The following KCNC1 variants were observed in gnomAD, a reference collection of about 807,000 sequenced individuals.
KCNC1 encodes the protein potassium voltage-gated channel subfamily C member 1.
KCNC1 carries 8 observed loss-of-function variants against 43.4 expected under a neutral mutation model. That is an observed-to-expected ratio of 0.18 (90% confidence interval 0.11 to 0.33). The LOEUF is 0.33. Among genes scored for constraint, KCNC1 ranks in the 10% least tolerant of loss-of-function variants. The probability of loss-of-function intolerance (pLI) is 1.00; values close to 1 mark genes in which losing one functional copy is unlikely to be tolerated. For synonymous variants in KCNC1, 361 were observed against 360.5 expected, an observed-to-expected ratio of 1.00 and a Z score of -0.01; for missense variants, 420 against 836.0, an observed-to-expected ratio of 0.50 and a Z score of 6.14.
rs114361328 is a variant in KCNC1, at chr11:17,772,906, G to T, written c.1504+308G>T. On this transcript the variant is annotated intron_variant, in intron 2 of 3. Transcript: ENST00000265969. ...GGACTAACTTAGCAGGAGCCAGGGGGGCTCTGCTTGGTGGGGCAGGAGTCC... is the reference window on the plus strand; with the variant it reads ...GGACTAACTTAGCAGGAGCCAGGGGTGCTCTGCTTGGTGGGGCAGGAGTCC... The T allele has an allele frequency of 4.3e-4, 531 of 1,239,954 alleles. 2 individuals carry two copies. The African/African-American group carries it at 7.3e-3, about 17-fold the overall frequency. The allele number at this position is 1,239,954 out of a possible 1,614,324, so 76.8% of individuals were successfully genotyped here. A position where few individuals can be genotyped will look rare whatever the true frequency, so the allele number is the denominator to read the frequency against.
intron 2 of KCNC1, 163 bp downstream of exon 2, chr11:17,772,761 G>A (rs908774080): frequency 2.4e-5 from 35 of 1,489,200 alleles, no homozygotes; most frequent in Middle Eastern, 2.5e-4. Flanking sequence ...GATGCTGGGC[G>A]GCCAAATTCA....
chr11:17,749,363 GAGA>G (rs1848939241), intron 1 of KCNC1, among the ~76,000 whole-genome samples: 1 of 152,236 alleles, frequency 6.6e-6, no homozygotes, highest in Admixed American at 6.5e-5. Context: ...CACCCCACCT[GAGA>G]GGAGAATATG....
intron 1 of KCNC1, among the ~76,000 whole-genome samples, chr11:17,769,454 G>A (rs1283803718): frequency 2.0e-5 from 3 of 151,942 alleles, no homozygotes; most frequent in Non-Finnish European, 4.4e-5. Flanking sequence ...GAGGATGAGT[G>A]GATGGATGGG....
chr11:17,762,241 GTGT>G (rs1257824277), intron 1 of KCNC1, among the ~76,000 whole-genome samples: 1 of 152,190 alleles, frequency 6.6e-6, no homozygotes, highest in African/African-American at 2.4e-5. Flanking sequence ...GACAATGGTG[GTGT>G]TTTGTGCCTC....
In KCNC1 at chr11:17,736,136, A is replaced by T; in HGVS notation, c.134A>T (p.His45Leu). ...CTGGCGGAGCCCGACGCCCACAGCC[A>T]CTTCGACTATGACCCGCGTGCTGAC... is the stretch of plus-strand genomic sequence containing the variant. Reference protein sequence around the residue: ...AWLAEPDAHSHFDYDPRADEF... With the variant: ...AWLAEPDAHSLFDYDPRADEF... Residue 45 changes from histidine to leucine, a missense_variant, in exon 1 of 4, where the codon CAC becomes CTC. His to Leu is a moderately conservative substitution (Grantham distance 99). This residue lies in a region of KCNC1 where 42 missense variants were observed against 81.5 expected (regional missense o/e 0.52). Coordinates refer to ENST00000265969, the MANE Select transcript of KCNC1 (RefSeq NM_001112741.2). The surrounding 1 kb of genome is among the most constrained non-coding windows in gnomAD (Gnocchi z 9.3). 6.2e-7 allele frequency: 1 copy of T among 1,612,816 alleles called. No individual in the cohort carries two copies.
Position 17,777,243 on chromosome 11 carries a change from G to A in KCNC1, c.1505-2213G>A. On this transcript the variant is annotated intron_variant, in intron 2 of 3. Coordinates refer to ENST00000265969, the MANE Select transcript of KCNC1 (RefSeq NM_001112741.2). The surrounding 1 kb of genome is among the most constrained non-coding windows in gnomAD (Gnocchi z 4.3). ...CCATCTCCACAGAGGCAGAGGCAGA[G>A]AGAAGGCACCCCCCTCTGACCCACC... 8.1e-6 allele frequency: 8 copies of A among 985,910 alleles called. No individual in the cohort carries two copies. Among genetic ancestry groups the A allele is most frequent in the Non-Finnish European group, 9.6e-6 (8 of 830,070 alleles). 61.1% of individuals were successfully genotyped at this position (985,910 alleles called of 1,614,324 possible).
At chr11:17,772,934 T>G (rs2133805912) in intron 2 of KCNC1, 1 of 1,186,988 alleles carries the variant, frequency 8.4e-7, no homozygotes, top group South Asian at 2.8e-5. Flanking sequence ...AGGAGTCCGG[T>G]GTGAGTCTCT....
Position 17,736,623 on chromosome 11 carries a change from G to C in KCNC1, c.570+51G>C. On this transcript the variant is annotated intron_variant, in intron 1 of 3. Coordinates refer to ENST00000265969, the MANE Select transcript of KCNC1 (RefSeq NM_001112741.2). This position sits in a 1 kb window ranked among gnomAD's most constrained non-coding sequence, Gnocchi z 9.3. ...GAGCGGGGCGGGAAGGCAGCGTCCT[G>C]TGCCTCCCCGCGGGCAGGGGTGGAC... is the stretch of plus-strand genomic sequence containing the variant. 1 of 1,449,666 alleles carries C rather than the reference G, an allele frequency of 6.9e-7. No homozygotes were observed. The highest frequency in any genetic ancestry group is 9.0e-7 in the Non-Finnish European group (1 of 1,108,364). The allele number at this position is 1,449,666 out of a possible 1,614,324, so 89.8% of individuals were successfully genotyped here. A position where few individuals can be genotyped will look rare whatever the true frequency, so the allele number is the denominator to read the frequency against.
chr11:17,757,245 C>T (rs1834823084), intron 1 of KCNC1, among the ~76,000 whole-genome samples: 2 of 152,180 alleles, frequency 1.3e-5, no homozygotes, highest in Admixed American at 6.5e-5. Context: ...CAAAAGCAGA[C>T]TCTGAAGCAG....
Position 17,742,642 on chromosome 11 carries a change from G to A in KCNC1, c.570+6070G>A, listed in dbSNP as rs1848855951. ...TCAGGGGAACCATTTAGGTGGTAGG[G>A]ACCACTTCACATATGCATGGGACTA... On this transcript the variant is annotated intron_variant, in intron 1 of 3. Coordinates refer to ENST00000265969, the MANE Select transcript of KCNC1 (RefSeq NM_001112741.2). This position sits in a 1 kb window ranked among gnomAD's most constrained non-coding sequence, Gnocchi z 4.2. Among the ~76,000 whole-genome samples the A allele has an allele frequency of 1.3e-5, 2 of 152,174 alleles. No homozygotes were observed. Among genetic ancestry groups the A allele is most frequent in the African/African-American group, 2.4e-5 (1 of 41,436 alleles).
At chr11:17,760,304 A>G (rs1849063506) in intron 1 of KCNC1, among the ~76,000 whole-genome samples, 1 of 152,200 alleles carries the variant, frequency 6.6e-6, no homozygotes, top group Non-Finnish European at 1.5e-5. Flanking sequence ...AGAAATGTAG[A>G]CAGGCGTACT....
At position 17,782,185 on chromosome 11, in the gene KCNC1, G is replaced by A. The variant is rs536657786; in HGVS notation, c.*451G>A. ...GTTCAGTAGAAACCTGTACATTTCT[G>A]GGGGTGAGGGGCGAGGGGAGGAGGG... On this transcript the variant is annotated 3_prime_UTR_variant, in exon 4 of 4. Coordinates refer to ENST00000265969, the MANE Select transcript of KCNC1 (RefSeq NM_001112741.2). 3.0e-3 allele frequency: 471 copies of A among 155,708 alleles called. 2 individuals are homozygous for A. The highest frequency in any genetic ancestry group is 9.2e-3 in the African/African-American group (383 of 41,650). The allele number at this position is 155,708 out of a possible 1,614,324, so 9.6% of individuals were successfully genotyped here. A position where few individuals can be genotyped will look rare whatever the true frequency, so the allele number is the denominator to read the frequency against.
rs1848853463 is a variant in KCNC1 at position 17,742,367 on chromosome 11, C to T, written c.570+5795C>T. Among the ~76,000 whole-genome samples, 1 of 152,142 alleles carries T rather than the reference C, an allele frequency of 6.6e-6. No homozygotes were observed. Among genetic ancestry groups the T allele is most frequent in the South Asian group, 2.1e-4 (1 of 4,832 alleles). On this transcript the variant is annotated intron_variant, in intron 1 of 3. Coordinates refer to ENST00000265969, the MANE Select transcript of KCNC1 (RefSeq NM_001112741.2). This position sits in a 1 kb window ranked among gnomAD's most constrained non-coding sequence, Gnocchi z 4.2. The stretch of plus-strand genomic sequence containing the variant: ...GTTCAGTGGGGGCTCATTCCAGGGT[C>T]CACTGCCTGGGCTGAGGATCTCAAG...
intron 1 of KCNC1, among the ~76,000 whole-genome samples, chr11:17,754,046 A>C (rs1288417318): frequency 6.6e-6 from 1 of 152,228 alleles, no homozygotes; most frequent in Non-Finnish European, 1.5e-5. Context: ...AATGACATGC[A>C]TCACTCATGT....
At chr11:17,763,543 AGACCCCCACAC>A (rs1849102055) in intron 1 of KCNC1, among the ~76,000 whole-genome samples, 1 of 143,962 alleles carries the variant, frequency 6.9e-6, no homozygotes, top group Admixed American at 6.9e-5. Flanking sequence ...ACCCACACAC[AGACCCCCACAC>A]CACCCCACAC....
chr11:17,736,638 C>T lies in KCNC1; in HGVS notation c.570+66C>T, dbSNP rs1848770681. The T allele has an allele frequency of 2.5e-5, 36 of 1,443,836 alleles. No individual in the cohort carries two copies. In the South Asian group the frequency reaches 4.8e-4, roughly 19 times the overall value. 89.4% of individuals were successfully genotyped at this position (1,443,836 alleles called of 1,614,324 possible). A position where few individuals can be genotyped will look rare whatever the true frequency, so the allele number is the denominator to read the frequency against. ...GCAGCGTCCTGTGCCTCCCCGCGGG[C>T]AGGGGTGGACCGGAGAACTGGCGCC... On this transcript the variant is annotated intron_variant, in intron 1 of 3. Coordinates refer to ENST00000265969, the MANE Select transcript of KCNC1 (RefSeq NM_001112741.2). The surrounding 1 kb of genome is among the most constrained non-coding windows in gnomAD (Gnocchi z 9.3).
chr11:17,765,945 G>C (rs983074989), intron 1 of KCNC1: 1 of 152,734 alleles, frequency 6.5e-6, no homozygotes, highest in Non-Finnish European at 1.5e-5. Context: ...GCCTAGGGTC[G>C]GGTAATCCGG....
chr11:17,766,098 AGCCAGG>A (rs1205033251), intron 1 of KCNC1, among the ~76,000 whole-genome samples: 1 of 152,220 alleles, frequency 6.6e-6, no homozygotes, highest in Non-Finnish European at 1.5e-5. Context: ...GCCGGGGCAC[AGCCAGG>A]GCCTCCATGT....
At chr11:17,757,289 A>G (rs1338807738) in intron 1 of KCNC1, among the ~76,000 whole-genome samples, 1 of 152,198 alleles carries the variant, frequency 6.6e-6, no homozygotes, top group Non-Finnish European at 1.5e-5. Flanking sequence ...GAGAGCATGA[A>G]GGAAGCCCGA....
Sources: allele counts gnomAD v4.1 joint callset (sites outside exome capture counted in the v4.1 genomes callset), GRCh38; gene constraint gnomAD v4.1.1; regional missense constraint gnomAD v4.1.1; non-coding constraint Gnocchi (gnomAD v3.1); transcripts MANE v1.5; gene names NCBI Gene and HGNC (gene_info 2026-07-23, HGNC 2026-07-21).